HABP2: variants seen among roughly 807,000 people sequenced by gnomAD.
The protein encoded by HABP2 is hyaluronan binding protein 2, also known as factor VII-activating protease.
Under a neutral mutation model 66.5 loss-of-function variants are expected in HABP2, and 65 were observed. The ratio of observed to expected loss-of-function variants is 0.98; its 90% CI spans 0.80 to 1.20. HABP2 has a LOEUF of 1.20. Ranked by LOEUF, HABP2 falls within the 50% of genes most tolerant of loss-of-function variation. The probability of loss-of-function intolerance (pLI) is 0.00; values close to 1 mark genes in which losing one functional copy is unlikely to be tolerated. For synonymous variants in HABP2, 263 were observed against 253.9 expected, an observed-to-expected ratio of 1.04 and a Z score of -0.34; for missense variants, 786 against 691.0, an observed-to-expected ratio of 1.14 and a Z score of -1.54.
At chr10:113,559,141 C>T (rs1286610794) in intron 1 of HABP2, among the ~76,000 whole-genome samples, 1 of 152,202 alleles carries the variant, frequency 6.6e-6, no homozygotes, top group Non-Finnish European at 1.5e-5. Flanking sequence ...CGGCGTGAGC[C>T]ACCGTGCCCA....
At chr10:113,583,676 A>T (rs957461779) in intron 10 of HABP2, among the ~76,000 whole-genome samples, 1 of 152,136 alleles carries the variant, frequency 6.6e-6, no homozygotes, top group South Asian at 2.1e-4. Flanking sequence ...TTTCTCTTCT[A>T]TGAAATGGAA....
intron 1 of HABP2, among the ~76,000 whole-genome samples, chr10:113,564,241 C>G (rs778842988): frequency 6.6e-6 from 1 of 152,098 alleles, no homozygotes; most frequent in Non-Finnish European, 1.5e-5. Context: ...GAAAAACACA[C>G]CCCCATGATT....
rs200346117 is a variant in HABP2, at chr10:113,571,891, CACAAG to C, written c.107-2392_107-2388del. Among the ~76,000 whole-genome samples the C allele has an allele frequency of 3.7e-3, 568 of 152,316 alleles. 1 individual carries two copies. The highest frequency in any genetic ancestry group is 0.012 in the African/African-American group (518 of 41,568). On this transcript the variant is annotated intron_variant, in intron 2 of 12. Transcript: ENST00000351270. ...CATAACACTTGGTCCATTGTAGGTT[CACAAG>C]ACAAGTTACATATGCAGACAATAGG...
At chr10:113,578,480 C>T (rs1592696522) in intron 6 of HABP2, 147 bp from the exon 7 acceptor site, 1 of 647,358 alleles carries the variant, frequency 1.5e-6, no homozygotes, top group East Asian at 2.6e-5. Context: ...ACATTCAACA[C>T]TTTTTTTTCT....
rs1845389642 is a variant in HABP2, at chr10:113,575,373, A to G, written c.224-524A>G. ...GAAGAAAGATGAAGGCCACTGGGTC[A>G]TTTCCTCCTTGCCGCCAATTCTTCT... On this transcript the variant is annotated intron_variant, in intron 3 of 12. Coordinates refer to ENST00000351270, the MANE Select transcript of HABP2 (RefSeq NM_004132.5). Among the ~76,000 whole-genome samples the G allele has an allele frequency of 3.3e-5, 5 of 152,312 alleles. 1 individual carries two copies. Among genetic ancestry groups the G allele is most frequent in the Admixed American group, 3.3e-4 (5 of 15,306 alleles).
intron 2 of HABP2, among the ~76,000 whole-genome samples, chr10:113,573,452 G>A (rs965746504): frequency 2.6e-5 from 4 of 152,212 alleles, no homozygotes; most frequent in African/African-American, 7.2e-5. Context: ...GGTAAGTGTG[G>A]GAGTACCCAA....
intron 7 of HABP2, 148 bp from the exon 8 acceptor site, chr10:113,580,447 T>C (rs1204392347): frequency 1.0e-5 from 6 of 598,288 alleles, no homozygotes; most frequent in South Asian, 2.0e-5. Context: ...CCTTCTGTTC[T>C]AAGGTTTTGT....
chr10:113,568,395 G>A (rs1470363768), intron 2 of HABP2, among the ~76,000 whole-genome samples: 2 of 152,198 alleles, frequency 1.3e-5, no homozygotes, highest in South Asian at 2.1e-4. Flanking sequence ...GCACAAAGAT[G>A]GCAGTAACTG....
At chr10:113,568,031 G>A (rs1046408340) in intron 2 of HABP2, among the ~76,000 whole-genome samples, 4 of 152,206 alleles carry the variant, frequency 2.6e-5, no homozygotes, top group Admixed American at 6.5e-5. Context: ...CCTCAGGCTC[G>A]ACGCGTCTAC....
At chr10:113,554,158 T>C (rs570961695) in intron 1 of HABP2, among the ~76,000 whole-genome samples, 12 of 152,338 alleles carry the variant, frequency 7.9e-5, no homozygotes, top group Middle Eastern at 3.4e-3. Flanking sequence ...GTCATGTATG[T>C]GGCTTGCAAA....
At chr10:113,564,682 A>C (rs1335982646) in intron 1 of HABP2, among the ~76,000 whole-genome samples, 1 of 152,236 alleles carries the variant, frequency 6.6e-6, no homozygotes, top group Non-Finnish European at 1.5e-5. Flanking sequence ...AGTGGGAAGA[A>C]TAATGCAATG....
chr10:113,571,691 A>G (rs1231142528), intron 2 of HABP2, among the ~76,000 whole-genome samples: 1 of 152,166 alleles, frequency 6.6e-6, no homozygotes, highest in African/African-American at 2.4e-5. Context: ...TGAGGGCGCC[A>G]GGCCTAGACT....
At chr10:113,568,348 G>A (rs193114948) in intron 2 of HABP2, among the ~76,000 whole-genome samples, 7 of 152,372 alleles carry the variant, frequency 4.6e-5, no homozygotes, top group Admixed American at 4.6e-4. Context: ...CATGGAGACT[G>A]TGGCCACATC....
rs1185618787 is a variant in HABP2, at chr10:113,589,032, C to T, written c.*663C>T. ...GCAGAATCTCAGTGGCATCTGGGTT[C>T]ACCTCCCCACTCTGATGATCTCCAG... On this transcript the variant is annotated 3_prime_UTR_variant, in exon 13 of 13. Transcript: ENST00000351270. The T allele has an allele frequency of 6.2e-7, 1 of 1,613,932 alleles. No individual in the cohort carries two copies. The highest frequency in any genetic ancestry group is 8.5e-7 in the Non-Finnish European group (1 of 1,180,018).
chr10:113,588,241 G>A lies in HABP2; in HGVS notation c.1555G>A (p.Gly519Ser), dbSNP rs143492790. The A allele has an allele frequency of 1.4e-4, 226 of 1,612,874 alleles. No individual in the cohort carries two copies. The highest frequency in any genetic ancestry group is 7.2e-4 in the African/African-American group (54 of 74,886). Reference protein sequence around the residue: ...SGGPLTCEKDGTYYVYGIVSW... With the variant: ...SGGPLTCEKDSTYYVYGIVSW... ...AGGCCCCCTGACCTGTGAGAAGGAC[G>A]GCACCTACTACGTCTATGGGATAGT... Residue 519 changes from glycine (G) to serine (S), a missense_variant, in exon 13 of 13, where the codon GGC becomes AGC. Transcript: ENST00000351270.
At chr10:113,577,890 G>T (rs1845441080) in intron 5 of HABP2, 136 bp from the exon 6 acceptor site, 4 of 954,772 alleles carry the variant, frequency 4.2e-6, no homozygotes, top group Non-Finnish European at 6.4e-6. Flanking sequence ...CAGTGGATCT[G>T]TCTTTCCCAT....
At chr10:113,578,874 C>T in intron 7 of HABP2, 76 bp downstream of exon 7, 2 of 984,574 alleles carry the variant, frequency 2.0e-6, no homozygotes, top group Non-Finnish European at 1.6e-6. Context: ...TCATCAGCCT[C>T]CTTTCTAGGA....
At chr10:113,574,252 G>T in intron 2 of HABP2, 37 bp from the exon 3 acceptor site, 1 of 1,032,030 alleles carries the variant, frequency 9.7e-7, no homozygotes. Flanking sequence ...TGAGTGTAAT[G>T]ATTAGGATTT....
chr10:113,558,521 G>A (rs2133742737), intron 1 of HABP2, among the ~76,000 whole-genome samples: 1 of 152,320 alleles, frequency 6.6e-6, no homozygotes, highest in East Asian at 1.9e-4. Context: ...CCTTCCCCCT[G>A]GTGGGATTGG....
Sources: gnomAD v4.1 joint callset for allele counts (sites outside exome capture counted in the v4.1 genomes callset) on GRCh38, gnomAD v4.1.1 for gene constraint, MANE v1.5 for transcripts, NCBI Gene and HGNC (gene_info 2026-07-23, HGNC 2026-07-21) for gene names.